Variants in THSD4 observed in about 807,000 individuals in gnomAD.
THSD4 encodes the protein thrombospondin type 1 domain containing 4.
Under a neutral mutation model 119.0 loss-of-function variants are expected in THSD4, and 69 were observed. The observed-to-expected ratio is 0.58, with a 90% confidence interval of 0.48 to 0.71. THSD4 has a LOEUF of 0.71. Among genes scored for constraint, THSD4 ranks in the 30% least tolerant of loss-of-function variants. The pLI, the probability that THSD4 is intolerant of heterozygous loss-of-function variation, is 0.00. For synonymous variants in THSD4, 524 were observed against 540.4 expected (o/e 0.97, Z 0.42); for missense variants, 1,393 against 1,391.1 (o/e 1.00, Z -0.02).
At chr15:71,664,353 T>C (rs964919872) in intron 8 of THSD4, among the ~76,000 whole-genome samples, 2 of 152,184 alleles carry the variant, frequency 1.3e-5, no homozygotes, top group Non-Finnish European at 2.9e-5. Flanking sequence ...CTTTAGTTAT[T>C]TGTCATGCAA....
chr15:71,716,456 C>T (rs528517411), intron 8 of THSD4, among the ~76,000 whole-genome samples: 7 of 152,148 alleles, frequency 4.6e-5, no homozygotes, highest in Admixed American at 1.3e-4. Context: ...ACAGTGCAAT[C>T]GTGCTGTAGG....
chr15:71,621,451 T>C (rs2050417080), intron 7 of THSD4, among the ~76,000 whole-genome samples: 1 of 151,822 alleles, frequency 6.6e-6, no homozygotes, highest in African/African-American at 2.4e-5. Context: ...ATTCCAGTTA[T>C]TTGTTGTTTT....
chr15:71,341,677 C>G, intron 6 of THSD4: 3 of 1,454,506 alleles, frequency 2.1e-6, no homozygotes, highest in Non-Finnish European at 2.9e-6. Context: ...TGCCTGATTT[C>G]GTGGGGTTCT....
At chr15:71,774,304 C>G (rs2053875180) in intron 17 of THSD4, among the ~76,000 whole-genome samples, 1 of 88,928 alleles carries the variant, frequency 1.1e-5, no homozygotes, top group Non-Finnish European at 2.2e-5. Flanking sequence ...GAGTGAGACT[C>G]TGTCTCAAAA....
In THSD4 at chr15:71,731,208, AGGAGACCAG is replaced by A; in HGVS notation, c.1623_1630+1del. ...CATCAGCCCCCAGGTGCCACCCCAC[AGGAGACCAG>A]GTAGAATCCCTTGTCTTGTGGCCGG... On this transcript the variant is annotated inframe_deletion and splice_region_variant, in exon 10 of 18. Transcript: ENST00000261862. 6.2e-7 allele frequency: 1 copy of A among 1,614,180 alleles called. No individual in the cohort carries two copies. The highest frequency in any genetic ancestry group is 8.5e-7 in the Non-Finnish European group (1 of 1,180,002).
At chr15:71,534,262 T>G (rs185885885) in intron 7 of THSD4, among the ~76,000 whole-genome samples, 74 of 152,374 alleles carry the variant, frequency 4.9e-4, no homozygotes, top group African/African-American at 1.7e-3. Flanking sequence ...AGCCCAACTC[T>G]TAAAGCACCT....
intron 3 of THSD4, among the ~76,000 whole-genome samples, chr15:71,175,081 T>TCTC (rs1438061181): frequency 1.8e-5 from 2 of 110,704 alleles, no homozygotes; most frequent in African/African-American, 3.2e-5. Flanking sequence ...GCAGAGCGCC[T>TCTC]CTCCTCCTCC....
chr15:71,640,980 GACACACAC>G (rs10551548), intron 7 of THSD4, among the ~76,000 whole-genome samples: 149 of 146,720 alleles, frequency 1.0e-3, no homozygotes, highest in Middle Eastern at 3.5e-3. Flanking sequence ...CCCACCTACA[GACACACAC>G]ACACACACAC....
intron 4 of THSD4, among the ~76,000 whole-genome samples, chr15:71,215,918 T>C (rs2043928860): frequency 6.6e-6 from 1 of 152,250 alleles, no homozygotes; most frequent in South Asian, 2.1e-4. Flanking sequence ...CGAAGTTTTT[T>C]GAGTCAACAC....
intron 6 of THSD4, among the ~76,000 whole-genome samples, chr15:71,373,124 TTATC>T (rs2046079922): frequency 6.6e-6 from 1 of 152,252 alleles, no homozygotes; most frequent in African/African-American, 2.4e-5. Context: ...TGGAAACAGT[TTATC>T]TAAATAGTTC....
At chr15:71,241,353 A>G (rs1425895400) in intron 4 of THSD4, among the ~76,000 whole-genome samples, 3 of 152,220 alleles carry the variant, frequency 2.0e-5, no homozygotes, top group African/African-American at 7.2e-5. Context: ...ATGCCAGTGA[A>G]GGCGAAACCT....
chr15:71,671,701 T>C (rs946603045), intron 8 of THSD4, among the ~76,000 whole-genome samples: 2 of 152,234 alleles, frequency 1.3e-5, no homozygotes, highest in African/African-American at 4.8e-5. Flanking sequence ...TTTCTACATA[T>C]GGCTAGCCAG....
At chr15:71,775,594 C>T (rs1026233545) in intron 17 of THSD4, among the ~76,000 whole-genome samples, 6 of 152,024 alleles carry the variant, frequency 3.9e-5, no homozygotes, top group African/African-American at 1.4e-4. Flanking sequence ...GCCTGTAATC[C>T]CAGCTACTCG....
At position 71,775,860 on chromosome 15, in the gene THSD4, G is replaced by T. The variant is rs995746910; in HGVS notation, c.2915-1372G>T. ...ATCAAGGCATCTTGGCACAAGGATG[G>T]ATAAAAAAAGCAAGGAGAGCAGAAT... On this transcript the variant is annotated intron_variant, in intron 17 of 17. Coordinates refer to ENST00000261862, the MANE Select transcript of THSD4 (RefSeq NM_024817.3). Among the ~76,000 whole-genome samples the T allele has an allele frequency of 3.3e-5, 5 of 152,150 alleles. No individual in the cohort carries two copies. The East Asian group carries it at 9.6e-4, about 29-fold the overall frequency.
At chr15:71,598,209 A>C (rs955840945) in intron 7 of THSD4, among the ~76,000 whole-genome samples, 2 of 152,192 alleles carry the variant, frequency 1.3e-5, no homozygotes, top group Non-Finnish European at 2.9e-5. Context: ...TTGGTCAGGA[A>C]GATGAGCAAG....
chr15:71,524,510 G>A (rs1177083707), intron 7 of THSD4, among the ~76,000 whole-genome samples: 4 of 149,968 alleles, frequency 2.7e-5, no homozygotes, highest in Non-Finnish European at 5.9e-5. Context: ...AAAGAGTGCT[G>A]TAAATGACTT....
At chr15:71,658,109 G>A (rs933377316) in intron 7 of THSD4, among the ~76,000 whole-genome samples, 2 of 152,130 alleles carry the variant, frequency 1.3e-5, no homozygotes, top group Non-Finnish European at 2.9e-5. Context: ...GGTAAGGCCC[G>A]CTCCACACTG....
At position 71,512,883 on chromosome 15, in the gene THSD4, GA is replaced by G. The variant is rs566352106; in HGVS notation, c.1152+101061del. Among the ~76,000 whole-genome samples the G allele has an allele frequency of 3.0e-3, 460 of 152,240 alleles. 3 individuals carry two copies. The highest frequency in any genetic ancestry group is 0.01 in the African/African-American group (417 of 41,522). ...GGGACTTGCTTCTTTGCCTGGTCAG[GA>G]CACAGATTTTTAGCTGCAATAATAC... On this transcript the variant is annotated intron_variant, in intron 7 of 17. Coordinates refer to ENST00000261862, the MANE Select transcript of THSD4 (RefSeq NM_024817.3).
chr15:71,467,425 G>A (rs773069770), intron 7 of THSD4, among the ~76,000 whole-genome samples: 22 of 152,324 alleles, frequency 1.4e-4, no homozygotes, highest in Non-Finnish European at 3.2e-4. Context: ...TTGATGAAGA[G>A]TGGACAGTCA....
Sources: allele counts gnomAD v4.1 joint callset (sites outside exome capture counted in the v4.1 genomes callset), GRCh38; gene constraint gnomAD v4.1.1; transcripts MANE v1.5; gene names NCBI Gene and HGNC (gene_info 2026-07-23, HGNC 2026-07-21).